Variants in TNRC6A observed in about 807,000 individuals in gnomAD.
TNRC6A encodes trinucleotide repeat-containing gene 6A protein.
TNRC6A carries 44 observed loss-of-function variants against 221.2 expected under a neutral mutation model. The ratio of observed to expected loss-of-function variants is 0.20; its 90% CI spans 0.16 to 0.26. The LOEUF is 0.26. Among genes scored for constraint, TNRC6A ranks in the 10% least tolerant of loss-of-function variants. TNRC6A has a pLI of 1.00. For synonymous variants in TNRC6A, 847 were observed against 838.5 expected, an observed-to-expected ratio of 1.01 and a Z score of -0.18; for missense variants, 2,199 against 2,404.4, an observed-to-expected ratio of 0.91 and a Z score of 1.79.
chr16:24,784,114 TC>T (rs1405753742), intron 5 of TNRC6A, among the ~76,000 whole-genome samples: 1 of 151,892 alleles, frequency 6.6e-6, no homozygotes, highest in African/African-American at 2.4e-5. Flanking sequence ...TGATTCTCCT[TC>T]CTCAGGCTCC....
At chr16:24,732,763 A>G (rs886577161) in intron 2 of TNRC6A, among the ~76,000 whole-genome samples, 7 of 152,194 alleles carry the variant, frequency 4.6e-5, no homozygotes, top group Non-Finnish European at 1.0e-4. Context: ...CATCCGCAGT[A>G]GCACTCCCCG....
At chr16:24,678,048 G>A (rs2055455579) in intron 2 of TNRC6A, among the ~76,000 whole-genome samples, 1 of 152,090 alleles carries the variant, frequency 6.6e-6, no homozygotes, top group African/African-American at 2.4e-5. Context: ...AGTGACTCAT[G>A]CCTGTAATCC....
intron 14 of TNRC6A, 75 bp downstream of exon 14, chr16:24,805,226 G>A (rs2058406485): frequency 6.4e-7 from 1 of 1,558,758 alleles, no homozygotes; most frequent in Non-Finnish European, 8.8e-7. Flanking sequence ...TGAATAAAAT[G>A]GCTAACTAAG....
intron 2 of TNRC6A, among the ~76,000 whole-genome samples, chr16:24,737,568 A>G (rs2056797959): frequency 6.6e-6 from 1 of 152,348 alleles, no homozygotes; most frequent in South Asian, 2.1e-4. Flanking sequence ...TCCCGTTTCA[A>G]ATGGAATGTT....
chr16:24,713,459 T>C (rs529311452), intron 2 of TNRC6A, among the ~76,000 whole-genome samples: 1 of 149,910 alleles, frequency 6.7e-6, no homozygotes, highest in South Asian at 2.1e-4. Context: ...CAAAAAAATA[T>C]ATATATATAT....
At chr16:24,784,238 T>A (rs1482342831) in intron 5 of TNRC6A, among the ~76,000 whole-genome samples, 1 of 152,154 alleles carries the variant, frequency 6.6e-6, no homozygotes, top group African/African-American at 2.4e-5. Context: ...TTGACCTCAG[T>A]TGATCCTCCC....
In TNRC6A at chr16:24,795,941, T is replaced by A. The variant is rs1425839706; in HGVS notation, c.3561+2T>A. On this transcript the variant is annotated splice_donor_variant, in intron 9 of 24. Transcript: ENST00000395799. LOFTEE classifies it high-confidence loss of function. The stretch of plus-strand genomic sequence containing the variant: ...GGCAAAAAAAGGAGAAGGGAAAGGG[T>A]GTGTAGCCTTTTTACTCTTTCTCCT... 6.2e-7 allele frequency: 1 copy of A among 1,612,646 alleles called. No individual in the cohort carries two copies. Among genetic ancestry groups the A allele is most frequent in the Admixed American group, 1.7e-5 (1 of 59,922 alleles).
chr16:24,768,599 A>G (rs565070189), intron 4 of TNRC6A, among the ~76,000 whole-genome samples: 16 of 152,238 alleles, frequency 1.1e-4, no homozygotes, highest in African/African-American at 3.4e-4. Context: ...TTTCCTATAT[A>G]ACGACACATA....
intron 2 of TNRC6A, among the ~76,000 whole-genome samples, chr16:24,676,350 G>T (rs2055420402): frequency 6.6e-6 from 1 of 152,116 alleles, no homozygotes; most frequent in African/African-American, 2.4e-5. Flanking sequence ...AGGCTGGAGT[G>T]CAGTGGCATG....
intron 1 of TNRC6A, among the ~76,000 whole-genome samples, chr16:24,614,385 C>G (rs973816761): frequency 5.9e-5 from 9 of 152,186 alleles, no homozygotes; most frequent in African/African-American, 1.7e-4. Context: ...TTTTCTCAGA[C>G]TACTACATGA....
intron 2 of TNRC6A, among the ~76,000 whole-genome samples, chr16:24,697,598 T>C (rs2055887613): frequency 6.6e-6 from 1 of 152,114 alleles, no homozygotes; most frequent in Non-Finnish European, 1.5e-5. Context: ...GGTGGAATGA[T>C]CACTTGAGCC....
At position 24,797,538 on chromosome 16, in the gene TNRC6A, T is replaced by C; in HGVS notation, c.3610T>C (p.Phe1204Leu). The C allele has an allele frequency of 6.2e-7, 1 of 1,612,446 alleles. No individual in the cohort carries two copies. Among genetic ancestry groups the C allele is most frequent in the Non-Finnish European group, 8.5e-7 (1 of 1,179,570 alleles). ...ACAAGAAGAAGCGTGGATAAATCCA[T>C]TTGTTAAACAGTTTTCAAACATCAG... is the stretch of plus-strand genomic sequence containing the variant. The part of the protein sequence containing the change: ...NKQEEAWINP[F>L]VKQFSNISFS... Residue 1204 changes from phenylalanine to leucine, a missense_variant, in exon 10 of 25, where the codon TTT becomes CTT. This residue lies in a region of TNRC6A where 158 missense variants were observed against 159.1 expected (regional missense o/e 0.99). Coordinates refer to ENST00000395799, the MANE Select transcript of TNRC6A (RefSeq NM_014494.4).
At chr16:24,725,421 C>T (rs1236140975), upstream of TNRC6A, among the ~76,000 whole-genome samples, 2 of 151,970 alleles carry the variant, frequency 1.3e-5, no homozygotes, top group African/African-American at 4.8e-5. Context: ...AATCCATTTG[C>T]CTCGGTCTGG....
Position 24,794,623 on chromosome 16 carries a change from A to AGAGGAT in TNRC6A, c.3434_3439dup (p.Glu1145_Asp1146dup), listed in dbSNP as rs1476343511. The AGAGGAT allele has an allele frequency of 6.2e-7, 1 of 1,614,076 alleles. No individual in the cohort carries two copies. Among genetic ancestry groups the AGAGGAT allele is most frequent in the East Asian group, 2.2e-5 (1 of 44,870 alleles). On this transcript the variant is annotated inframe_insertion, in exon 8 of 25. Transcript: ENST00000395799. ...ATCGCCCCACTGGCTGGGAAGAGGAAGAGGATGTGGAGATTGGAATGTGGA... is the reference window on the plus strand; with the variant it reads ...ATCGCCCCACTGGCTGGGAAGAGGAAGAGGATGAGGATGTGGAGATTGGAATGTGGA...
chr16:24,793,629 C>G lies in TNRC6A; in HGVS notation c.3332C>G (p.Pro1111Arg), dbSNP rs1304725860. ...TSTWGSSSVG[P>R]QALSKSGPKS... is the part of the protein sequence containing the mutation. ...ACGTGGGGCTCCAGCTCTGTTGGTC[C>G]ACAAGCATTAAGCAAATCTGGTAAG... The change falls in exon 7 of 25, where the codon CCA (proline) becomes CGA (arginine). Residue 1111 changes from proline to arginine, a missense_variant. Around this residue, in one of 8 missense-constraint regions of TNRC6A, gnomAD observed 1,405 missense variants for 1,400.2 expected, o/e 1.00. Coordinates refer to ENST00000395799, the MANE Select transcript of TNRC6A (RefSeq NM_014494.4). The G allele has an allele frequency of 1.3e-6, 2 of 1,517,458 alleles. No individual in the cohort carries two copies. The highest frequency in any genetic ancestry group is 2.0e-5 in the Admixed American group (1 of 49,712). The allele number at this position is 1,517,458 out of a possible 1,614,324, so 94.0% of individuals were successfully genotyped here.
intron 2 of TNRC6A, among the ~76,000 whole-genome samples, chr16:24,694,957 C>A (rs1294164136): frequency 2.6e-5 from 4 of 152,082 alleles, no homozygotes; most frequent in Admixed American, 1.3e-4. Context: ...CACTGTGAGC[C>A]ATCTCTGGAC....
chr16:24,733,364 C>A (rs2056688770), intron 2 of TNRC6A, among the ~76,000 whole-genome samples: 1 of 152,224 alleles, frequency 6.6e-6, no homozygotes, highest in African/African-American at 2.4e-5. Flanking sequence ...GCCTGGTAGC[C>A]AGTGCCAGTT....
chr16:24,727,320 C>T (rs1050257454), upstream of TNRC6A, among the ~76,000 whole-genome samples: 29 of 152,108 alleles, frequency 1.9e-4, no homozygotes, highest in Admixed American at 1.0e-3. Context: ...TGAGCCACCG[C>T]GCCTGGCCAA....
chr16:24,628,048 T>C (rs1479575167), intron 1 of TNRC6A, among the ~76,000 whole-genome samples: 3 of 152,264 alleles, frequency 2.0e-5, no homozygotes, highest in East Asian at 3.9e-4. Flanking sequence ...TTTGTATGTA[T>C]GTATAAATAT....
Sources: gnomAD v4.1 joint callset for allele counts (sites outside exome capture counted in the v4.1 genomes callset) on GRCh38, gnomAD v4.1.1 for gene constraint, gnomAD v4.1.1 regional missense constraint, MANE v1.5 for transcripts, NCBI Gene and HGNC (gene_info 2026-07-23, HGNC 2026-07-21) for gene names.